The following PAPPA variants were observed in gnomAD, a reference collection of about 807,000 sequenced individuals.
The protein encoded by PAPPA is pappalysin-1.
Under a neutral mutation model 164.0 loss-of-function variants are expected in PAPPA, and 60 were observed. The ratio of observed to expected loss-of-function variants is 0.37; its 90% CI spans 0.30 to 0.45. The LOEUF is 0.45. Among genes scored for constraint, PAPPA ranks in the 20% least tolerant of loss-of-function variants. PAPPA has a pLI of 1.00. For missense variants in PAPPA, 1,782 were observed against 2,087.3 expected (o/e 0.85, Z 2.85); for synonymous variants, 875 against 814.1 (o/e 1.07, Z -1.27).
At chr9:116,189,349 G>T (rs1296303241) in intron 2 of PAPPA, among the ~76,000 whole-genome samples, 1 of 152,112 alleles carries the variant, frequency 6.6e-6, no homozygotes, top group Non-Finnish European at 1.5e-5. Flanking sequence ...ATAATAAACT[G>T]TTTGCTATCT....
intron 2 of PAPPA, among the ~76,000 whole-genome samples, chr9:116,201,617 A>G (rs1844171995): frequency 1.3e-5 from 2 of 152,098 alleles, no homozygotes; most frequent in Admixed American, 1.3e-4. Context: ...TCTTCTAGGC[A>G]TTTCCTTGTG....
chr9:116,337,508 T>A (rs1022050090), intron 13 of PAPPA, among the ~76,000 whole-genome samples: 2 of 152,190 alleles, frequency 1.3e-5, no homozygotes, highest in African/African-American at 4.8e-5. Flanking sequence ...ATAGCATCAC[T>A]TTTTATAACA....
chr9:116,270,129 A>C (rs1845119922), intron 8 of PAPPA, among the ~76,000 whole-genome samples: 2 of 152,132 alleles, frequency 1.3e-5, no homozygotes, highest in Admixed American at 1.3e-4. Flanking sequence ...GCTGTCACAC[A>C]CTCTGCAGAG....
chr9:116,259,170 A>T (rs940323455), intron 7 of PAPPA, among the ~76,000 whole-genome samples: 25 of 151,520 alleles, frequency 1.6e-4, no homozygotes, highest in Admixed American at 2.6e-4. Context: ...ATAATAATAA[A>T]AACCTATATT....
chr9:116,179,589 G>A (rs1057005382), intron 1 of PAPPA, among the ~76,000 whole-genome samples: 15 of 152,172 alleles, frequency 9.9e-5, no homozygotes, highest in African/African-American at 3.4e-4. Flanking sequence ...GGGTGGACCC[G>A]GAGGGATGAG....
chr9:116,312,629 C>T (rs1476885018), intron 10 of PAPPA, among the ~76,000 whole-genome samples: 1 of 152,166 alleles, frequency 6.6e-6, no homozygotes, highest in African/African-American at 2.4e-5. Flanking sequence ...TTTTTGTACA[C>T]ACAAATGTGT....
intron 19 of PAPPA, among the ~76,000 whole-genome samples, chr9:116,372,094 C>T (rs1289050140): frequency 6.6e-6 from 1 of 152,122 alleles, no homozygotes; most frequent in Non-Finnish European, 1.5e-5. Flanking sequence ...CCTGTACATG[C>T]ACTTTTCAAA....
At chr9:116,283,955 A>G (rs1587986256) in intron 9 of PAPPA, among the ~76,000 whole-genome samples, 2 of 152,242 alleles carry the variant, frequency 1.3e-5, no homozygotes, top group African/African-American at 2.4e-5. Flanking sequence ...TCCCCCAAAT[A>G]CCTTTTTCCA....
intron 18 of PAPPA, among the ~76,000 whole-genome samples, chr9:116,366,789 G>A (rs184219065): frequency 2.7e-4 from 41 of 152,288 alleles, no homozygotes; most frequent in Admixed American, 7.2e-4. Flanking sequence ...TTCTGTCATG[G>A]GCACCTAGGA....
Position 116,314,060 on chromosome 9 carries a change from C to CTTTTTTTTTTTTTTTT in PAPPA, c.3147+11125_3147+11140dup, listed in dbSNP as rs57871796. Among the ~76,000 whole-genome samples, 47 of 69,728 alleles carry CTTTTTTTTTTTTTTTT rather than the reference C, an allele frequency of 6.7e-4. 5 individuals are homozygous for CTTTTTTTTTTTTTTTT. Among genetic ancestry groups the CTTTTTTTTTTTTTTTT allele is most frequent in the South Asian group, 1.4e-3 (3 of 2,110 alleles). The allele number at this position is 69,728 out of a possible 152,430, so 45.7% of individuals were successfully genotyped here. On this transcript the variant is annotated intron_variant, in intron 10 of 21. Transcript: ENST00000328252. ...ATTCAGTTCTGTCATTGCATCGAAT[C>CTTTTTTTTTTTTTTTT]TTTTTTTTTTTTTTTTTTTTTTTTT...
intron 21 of PAPPA, among the ~76,000 whole-genome samples, chr9:116,395,208 G>C (rs1258536070): frequency 6.6e-6 from 1 of 152,126 alleles, no homozygotes; most frequent in African/African-American, 2.4e-5. Context: ...TGAGAGAGCT[G>C]GGGCATATAC....
intron 2 of PAPPA, among the ~76,000 whole-genome samples, chr9:116,193,928 T>C (rs901326975): frequency 8.5e-5 from 13 of 152,268 alleles, no homozygotes; most frequent in African/African-American, 3.1e-4. Context: ...GGTTTAATGA[T>C]GGAGAAGGGA....
intron 10 of PAPPA, among the ~76,000 whole-genome samples, chr9:116,313,082 C>CAAAA (rs59596284): frequency 5.1e-4 from 35 of 68,412 alleles, no homozygotes; most frequent in South Asian, 2.3e-3. Flanking sequence ...GACTCCATCT[C>CAAAA]AAAAAAAAAA....
intron 1 of PAPPA, among the ~76,000 whole-genome samples, chr9:116,180,463 A>G (rs1843890917): frequency 6.6e-6 from 1 of 152,172 alleles, no homozygotes; most frequent in South Asian, 2.1e-4. Context: ...GAATACTAAT[A>G]AATCCCACTT....
chr9:116,252,435 A>AT (rs201865769), intron 7 of PAPPA, among the ~76,000 whole-genome samples: 7,391 of 152,178 alleles, frequency 0.049, 263 homozygotes, highest in Admixed American at 0.1. Flanking sequence ...TTTCCCAAAG[A>AT]TTTTTTCTTG....
intron 7 of PAPPA, among the ~76,000 whole-genome samples, chr9:116,264,517 T>C (rs1845043288): frequency 6.6e-6 from 1 of 152,136 alleles, no homozygotes; most frequent in African/African-American, 2.4e-5. Flanking sequence ...TCCAGCTCAT[T>C]ATTGTGTTGA....
intron 9 of PAPPA, chr9:116,287,503 G>A (rs1208530966): frequency 6.6e-6 from 1 of 152,244 alleles, no homozygotes; most frequent in Non-Finnish European, 1.5e-5. Context: ...TGTGTCTGGA[G>A]CTTAGACTAG....
At chr9:116,393,398 A>G (rs1004354950) in intron 21 of PAPPA, among the ~76,000 whole-genome samples, 12 of 152,160 alleles carry the variant, frequency 7.9e-5, no homozygotes, top group Admixed American at 7.9e-4. Flanking sequence ...AGGCTCCCTG[A>G]CTTGTATTCT....
rs1326907635 is a variant in PAPPA, at chr9:116,188,209, C to T, written c.1471C>T (p.Pro491Ser). 1 of 1,607,962 alleles carries T rather than the reference C, an allele frequency of 6.2e-7. No individual in the cohort carries two copies. Among genetic ancestry groups the T allele is most frequent in the Non-Finnish European group, 8.5e-7 (1 of 1,175,084 alleles). ...VTQTCFDPDS[P>S]HRAYLDVNEL... ...TCAGACTTGCTTTGACCCCGACTCTCCACACAGGTAAGACCTTACTGGGCT... is the reference window on the plus strand; with the variant it reads ...TCAGACTTGCTTTGACCCCGACTCTTCACACAGGTAAGACCTTACTGGGCT... Residue 491 changes from proline (P) to serine (S), a missense_variant, in exon 2 of 22, where the codon CCA becomes TCA. Physicochemically the swap from Pro to Ser is moderately conservative, Grantham distance 74. Coordinates refer to ENST00000328252, the MANE Select transcript of PAPPA (RefSeq NM_002581.5).
Sources: allele counts gnomAD v4.1 joint callset (sites outside exome capture counted in the v4.1 genomes callset), GRCh38; gene constraint gnomAD v4.1.1; transcripts MANE v1.5; gene names NCBI Gene and HGNC (gene_info 2026-07-23, HGNC 2026-07-21).